LRRFIP2: variants seen among roughly 807,000 people sequenced by gnomAD.
LRRFIP2 encodes leucine-rich repeat flightless-interacting protein 2.
LRRFIP2 carries 109 observed loss-of-function variants against 125.9 expected under a neutral mutation model. That is an observed-to-expected ratio of 0.87 (90% CI 0.74 to 1.01). The LOEUF (loss-of-function observed/expected upper bound fraction) is 1.01, where lower values mean the gene tolerates loss of function less well. Ranked by LOEUF, LRRFIP2 falls within the 50% of genes least tolerant of loss-of-function variation. The pLI is 0.00. For missense variants in LRRFIP2, 850 were observed against 862.3 expected, an observed-to-expected ratio of 0.99 and a Z score of 0.18; for synonymous variants, 291 against 293.1, an observed-to-expected ratio of 0.99 and a Z score of 0.07.
At chr3:37,132,431 T>A (rs1011167441) in intron 2 of LRRFIP2, among the ~76,000 whole-genome samples, 2 of 152,174 alleles carry the variant, frequency 1.3e-5, no homozygotes, top group Non-Finnish European at 2.9e-5. Context: ...TTAAAATCTA[T>A]TCTTTAATAA....
intron 2 of LRRFIP2, among the ~76,000 whole-genome samples, chr3:37,133,299 T>C (rs1340787624): frequency 2.0e-5 from 3 of 152,098 alleles, no homozygotes; most frequent in Admixed American, 6.6e-5. Context: ...ATTCCACCTA[T>C]GGGTACATAT....
At chr3:37,154,127 G>A (rs1490975980) in intron 1 of LRRFIP2, among the ~76,000 whole-genome samples, 2 of 152,034 alleles carry the variant, frequency 1.3e-5, no homozygotes, top group African/African-American at 4.8e-5. Flanking sequence ...GGTGAGCCGT[G>A]ATAATACCAC....
At chr3:37,102,523 G>C (rs2094119386) in intron 15 of LRRFIP2, among the ~76,000 whole-genome samples, 1 of 142,562 alleles carries the variant, frequency 7.0e-6, no homozygotes, top group Non-Finnish European at 1.5e-5. Flanking sequence ...TTTTGAGATG[G>C]AGTCTCACTC....
intron 21 of LRRFIP2, chr3:37,067,097 C>T (rs2090304464): frequency 6.6e-6 from 1 of 152,192 alleles, no homozygotes; most frequent in African/African-American, 2.4e-5. Context: ...TCAGTTTCCT[C>T]ACTGGAAAAA....
chr3:37,089,157 AAAGT>A (rs2093280254), intron 18 of LRRFIP2, among the ~76,000 whole-genome samples: 1 of 152,154 alleles, frequency 6.6e-6, no homozygotes, highest in East Asian at 1.9e-4. Context: ...TAAATTTAAT[AAAGT>A]ATTAATTTTA....
chr3:37,053,810 A>G lies in LRRFIP2; in HGVS notation c.*41T>C. On this transcript the variant is annotated 3_prime_UTR_variant, in exon 28 of 28. Transcript: ENST00000336686. ...TGGACAAAAGTCAGTCCCTCTAGGT[A>G]GGGCCCCAAGGAGCATCACCCAGGT... 1 of 1,345,162 alleles carries G rather than the reference A, an allele frequency of 7.4e-7. No individual in the cohort carries two copies. The highest frequency in any genetic ancestry group is 1.2e-5 in the South Asian group (1 of 85,674). The allele number at this position is 1,345,162 out of a possible 1,614,324, so 83.3% of individuals were successfully genotyped here.
intron 3 of LRRFIP2, among the ~76,000 whole-genome samples, chr3:37,128,188 C>A (rs1161939830): frequency 6.6e-6 from 1 of 152,170 alleles, no homozygotes; most frequent in Non-Finnish European, 1.5e-5. Context: ...TAGTGTTTTT[C>A]TTGAGCTGTG....
rs575050302 is a variant in LRRFIP2, at chr3:37,142,014, G to GCCA, written c.90+6877_90+6879dup. On this transcript the variant is annotated intron_variant, in intron 2 of 27. Coordinates refer to ENST00000336686, the MANE Select transcript of LRRFIP2 (RefSeq NM_006309.4). The stretch of plus-strand genomic sequence containing the variant: ...TTTCAAAGAGCTCCAAAATGTCCTT[G>GCCA]CCACATGTGGACCTGAGAGCAAGAG... Among the ~76,000 whole-genome samples the GCCA allele has an allele frequency of 4.2e-3, 642 of 152,222 alleles. 7 individuals carry two copies. The highest frequency in any genetic ancestry group is 0.015 in the African/African-American group (616 of 41,540).
Position 37,159,582 on chromosome 3 carries a change from G to A in LRRFIP2, c.-55-10544C>T, listed in dbSNP as rs182359889. Among the ~76,000 whole-genome samples, 540 of 152,084 alleles carry A rather than the reference G, an allele frequency of 3.6e-3. 2 individuals are homozygous for A. The highest frequency in any genetic ancestry group is 0.012 in the African/African-American group (507 of 41,494). On this transcript the variant is annotated intron_variant, in intron 1 of 27. Transcript: ENST00000336686. ...AGTGCAGTGGTGCGATCTCAGCTCAGTGTAACCTCCTTCTCCCTGACTCAA... is the reference window on the plus strand; with the variant it reads ...AGTGCAGTGGTGCGATCTCAGCTCAATGTAACCTCCTTCTCCCTGACTCAA...
intron 18 of LRRFIP2, among the ~76,000 whole-genome samples, chr3:37,090,785 T>C (rs2093387189): frequency 6.6e-6 from 1 of 152,308 alleles, no homozygotes; most frequent in East Asian, 1.9e-4. Context: ...TGTCATCTTT[T>C]TTGACCTATA....
At chr3:37,076,059 A>T (rs796306159) in intron 19 of LRRFIP2, among the ~76,000 whole-genome samples, 1 of 152,148 alleles carries the variant, frequency 6.6e-6, no homozygotes, top group Non-Finnish European at 1.5e-5. Flanking sequence ...TCAATCAGAG[A>T]TTTACATAAG....
intron 15 of LRRFIP2, among the ~76,000 whole-genome samples, chr3:37,097,859 AT>A (rs993115884): frequency 2.0e-4 from 31 of 152,178 alleles, no homozygotes; most frequent in African/African-American, 7.2e-4. Context: ...GTTTACCTGA[AT>A]ATATATGTTA....
At chr3:37,113,770 A>C (rs2094646918) in intron 7 of LRRFIP2, among the ~76,000 whole-genome samples, 1 of 152,206 alleles carries the variant, frequency 6.6e-6, no homozygotes, top group Non-Finnish European at 1.5e-5. Flanking sequence ...ACAGTATGTA[A>C]TGCTCAGGAG....
chr3:37,103,446 C>A (rs917291518), intron 14 of LRRFIP2, among the ~76,000 whole-genome samples: 23 of 152,278 alleles, frequency 1.5e-4, no homozygotes, highest in African/African-American at 5.1e-4. Context: ...GTGTTTACTG[C>A]ACCTTTTCTC....
intron 14 of LRRFIP2, 76 bp from the exon 15 acceptor site, chr3:37,103,089 T>G: frequency 2.7e-5 from 29 of 1,082,038 alleles, no homozygotes; most frequent in Non-Finnish European, 3.7e-5. Flanking sequence ...ATTGGCCAAT[T>G]AGGGAAAAGT....
intron 6 of LRRFIP2, among the ~76,000 whole-genome samples, chr3:37,117,268 A>G (rs1026331114): frequency 6.6e-6 from 1 of 152,120 alleles, no homozygotes; most frequent in East Asian, 1.9e-4. Context: ...CTATAGCACC[A>G]GTGGCATTTT....
intron 17 of LRRFIP2, among the ~76,000 whole-genome samples, 168 bp from the exon 18 acceptor site, chr3:37,091,706 AG>A (rs1354534109): frequency 6.6e-6 from 1 of 152,212 alleles, no homozygotes; most frequent in Non-Finnish European, 1.5e-5. Context: ...AAGGGCAAAT[AG>A]GTCAGGGGAT....
intron 23 of LRRFIP2, chr3:37,064,563 G>C (rs2089652356): frequency 6.7e-6 from 1 of 149,628 alleles, no homozygotes; most frequent in African/African-American, 2.5e-5. Context: ...ATCCTGCCTG[G>C]GCGACCGAGT....
intron 1 of LRRFIP2, among the ~76,000 whole-genome samples, chr3:37,166,309 A>G (rs1285008258): frequency 6.6e-6 from 1 of 152,142 alleles, no homozygotes; most frequent in Non-Finnish European, 1.5e-5. Context: ...CAGCCTGGGC[A>G]GAGCAAGACT....
Sources: gnomAD v4.1 joint callset for allele counts (sites outside exome capture counted in the v4.1 genomes callset) on GRCh38, gnomAD v4.1.1 for gene constraint, MANE v1.5 for transcripts, NCBI Gene and HGNC (gene_info 2026-07-23, HGNC 2026-07-21) for gene names.